KCNMA1: variants seen among roughly 807,000 people sequenced by gnomAD.
KCNMA1 encodes the protein potassium calcium-activated channel subfamily M alpha 1.
In KCNMA1, 29 loss-of-function variants were observed where a neutral mutation model predicts 140.0. The observed-to-expected ratio is 0.21, with a 90% CI of 0.15 to 0.28. The LOEUF is 0.28. Among genes scored for constraint, KCNMA1 ranks in the 10% least tolerant of loss-of-function variants. The probability of loss-of-function intolerance (pLI) is 1.00; values close to 1 mark genes in which losing one functional copy is unlikely to be tolerated. For missense variants in KCNMA1, 880 were observed against 1,602.2 expected, an observed-to-expected ratio of 0.55 and a Z score of 7.70; for synonymous variants, 612 against 611.9, an observed-to-expected ratio of 1.00 and a Z score of 0.00.
chr10:77,457,641 A>G (rs1056363332), intron 1 of KCNMA1, among the ~76,000 whole-genome samples: 1 of 151,984 alleles, frequency 6.6e-6, no homozygotes, highest in African/African-American at 2.4e-5. Context: ...CTAGTTCCCC[A>G]TATAAACTCC....
intron 13 of KCNMA1, among the ~76,000 whole-genome samples, chr10:77,079,045 C>G (rs58005245): frequency 0.56 from 84,515 of 151,954 alleles, 23,648 homozygotes; most frequent in African/African-American, 0.6. Context: ...CCGAGGCGGG[C>G]AGATCACCTG....
At chr10:76,981,729 C>A (rs192715991) in intron 19 of KCNMA1, among the ~76,000 whole-genome samples, 2 of 152,196 alleles carry the variant, frequency 1.3e-5, no homozygotes, top group Non-Finnish European at 2.9e-5. Flanking sequence ...AAGATCAATT[C>A]TCTCCTTTCT....
intron 1 of KCNMA1, among the ~76,000 whole-genome samples, chr10:77,571,670 T>G (rs1294920731): frequency 6.6e-6 from 1 of 152,058 alleles, no homozygotes; most frequent in Non-Finnish European, 1.5e-5. Context: ...CATTTCCAAC[T>G]CCCCACCTGG....
chr10:77,342,431 GA>G (rs754094862), intron 2 of KCNMA1, among the ~76,000 whole-genome samples: 7 of 152,162 alleles, frequency 4.6e-5, no homozygotes, highest in Admixed American at 3.9e-4. Context: ...CCAAGGCCTC[GA>G]TACCATAAGA....
chr10:77,408,411 AGTGTGTGCAT>A (rs2096538703), intron 1 of KCNMA1, among the ~76,000 whole-genome samples: 1 of 150,700 alleles, frequency 6.6e-6, no homozygotes, highest in Non-Finnish European at 1.5e-5. Context: ...CATGTGTGAG[AGTGTGTGCAT>A]GTGTGTGCAC....
At chr10:76,964,996 C>T (rs1295926988) in intron 20 of KCNMA1, among the ~76,000 whole-genome samples, 1 of 152,134 alleles carries the variant, frequency 6.6e-6, no homozygotes, top group Non-Finnish European at 1.5e-5. Context: ...AACTGTCCAC[C>T]TGATACATCC....
intron 5 of KCNMA1, among the ~76,000 whole-genome samples, chr10:77,142,105 T>C (rs1357834378): frequency 6.6e-6 from 1 of 152,136 alleles, no homozygotes; most frequent in Admixed American, 6.5e-5. Context: ...CAGTGGCTCA[T>C]GCCTGTAATC....
intron 2 of KCNMA1, among the ~76,000 whole-genome samples, chr10:77,330,244 C>T (rs186732442): frequency 7.1e-4 from 108 of 152,230 alleles, no homozygotes; most frequent in Admixed American, 1.6e-3. Context: ...GGCCACAATT[C>T]CCAAAAAGCT....
intron 23 of KCNMA1, among the ~76,000 whole-genome samples, chr10:76,926,133 C>A (rs1009123964): frequency 9.9e-5 from 15 of 152,226 alleles, no homozygotes; most frequent in African/African-American, 3.6e-4. Flanking sequence ...CATACACACA[C>A]GAATCTTCAC....
chr10:77,316,760 T>A (rs1486609698), intron 2 of KCNMA1, among the ~76,000 whole-genome samples: 3 of 152,198 alleles, frequency 2.0e-5, no homozygotes, highest in Non-Finnish European at 4.4e-5. Context: ...AAGAGGATCT[T>A]TCTCACGAGA....
intron 1 of KCNMA1, among the ~76,000 whole-genome samples, chr10:77,425,883 T>G (rs1224992521): frequency 6.6e-6 from 1 of 152,156 alleles, no homozygotes; most frequent in Non-Finnish European, 1.5e-5. Context: ...CGCGGTGCTT[T>G]CTGTCCACAC....
At chr10:77,474,351 A>T (rs181808981) in intron 1 of KCNMA1, among the ~76,000 whole-genome samples, 1 of 152,314 alleles carries the variant, frequency 6.6e-6, no homozygotes, top group Admixed American at 6.5e-5. Flanking sequence ...GTGGGCCTTC[A>T]TCCAACAGGA....
intron 26 of KCNMA1, 73 bp from the exon 27 acceptor site, chr10:76,889,642 GGGTCTTTTCATCAAAGC>G: frequency 8.7e-7 from 1 of 1,145,464 alleles, no homozygotes; most frequent in South Asian, 1.2e-5. Flanking sequence ...GCAGGGAAAC[GGGTCTTTTCATCAAAGC>G]TTGTTTTGGT....
intron 3 of KCNMA1, among the ~76,000 whole-genome samples, chr10:77,230,591 G>A (rs143465278): frequency 3.3e-5 from 5 of 152,152 alleles, no homozygotes; most frequent in East Asian, 1.9e-4. Context: ...AAAGTTTGCC[G>A]GTGAAGTTGG....
At chr10:77,009,083 C>T (rs2090043232) in intron 18 of KCNMA1, among the ~76,000 whole-genome samples, 1 of 152,128 alleles carries the variant, frequency 6.6e-6, no homozygotes, top group African/African-American at 2.4e-5. Flanking sequence ...CTGATTGTTA[C>T]ATAGCCAAAG....
intron 1 of KCNMA1, among the ~76,000 whole-genome samples, chr10:77,541,209 C>A (rs899651567): frequency 6.6e-6 from 1 of 151,928 alleles, no homozygotes; most frequent in African/African-American, 2.4e-5. Flanking sequence ...ACGAATTAAA[C>A]GTACCTATTA....
At chr10:76,893,445 A>G (rs186832480) in intron 25 of KCNMA1, among the ~76,000 whole-genome samples, 14 of 152,288 alleles carry the variant, frequency 9.2e-5, no homozygotes, top group Admixed American at 7.2e-4. Flanking sequence ...AGAAAATGGG[A>G]GGTCAGCCAA....
At chr10:77,404,068 T>C in intron 1 of KCNMA1, 45 bp from the exon 2 acceptor site, 1 of 1,598,990 alleles carries the variant, frequency 6.3e-7, no homozygotes, top group Non-Finnish European at 8.6e-7. Flanking sequence ...GAACAATGGA[T>C]TTAAATAACA....
Position 77,556,397 on chromosome 10 carries a change from C to T in KCNMA1, c.378+80868G>A, listed in dbSNP as rs188622806. Reference sequence around the variant, plus strand: ...GCATGTGCCTGTAATCCTAGTTACTCGGGAGGCTGAGGCAGGAGAATTGCT... The same window carrying T: ...GCATGTGCCTGTAATCCTAGTTACTTGGGAGGCTGAGGCAGGAGAATTGCT... On this transcript the variant is annotated intron_variant, in intron 1 of 27. Coordinates refer to ENST00000286628, the MANE Select transcript of KCNMA1 (RefSeq NM_001161352.2). Among the ~76,000 whole-genome samples the T allele has an allele frequency of 1.7e-3, 241 of 142,048 alleles. 2 individuals carry two copies. The highest frequency in any genetic ancestry group is 6.1e-3 in the African/African-American group (230 of 37,972). The allele number at this position is 142,048 out of a possible 152,430, so 93.2% of individuals were successfully genotyped here. A position where few individuals can be genotyped will look rare whatever the true frequency, so the allele number is the denominator to read the frequency against.
Sources: allele counts gnomAD v4.1 joint callset (sites outside exome capture counted in the v4.1 genomes callset), GRCh38; gene constraint gnomAD v4.1.1; transcripts MANE v1.5; gene names NCBI Gene and HGNC (gene_info 2026-07-23, HGNC 2026-07-21).